TENM3: variants seen among roughly 807,000 people sequenced by gnomAD.
TENM3 encodes the protein teneurin transmembrane protein 3.
In TENM3, 63 loss-of-function variants were observed where a neutral mutation model predicts 255.1. That is an observed-to-expected ratio of 0.25 (90% CI 0.20 to 0.30). TENM3 has a LOEUF of 0.30. Ranked by LOEUF, TENM3 falls within the 10% of genes least tolerant of loss-of-function variation. The probability of loss-of-function intolerance (pLI) is 1.00; values close to 1 mark genes in which losing one functional copy is unlikely to be tolerated. For synonymous variants in TENM3, 1,306 were observed against 1,322.3 expected, an observed-to-expected ratio of 0.99 and a Z score of 0.27; for missense variants, 2,929 against 3,461.1, an observed-to-expected ratio of 0.85 and a Z score of 3.86.
At position 182,323,553 on chromosome 4, in the gene TENM3, T is replaced by A. The variant is rs537987075; in HGVS notation, c.-75-393T>A. Among the ~76,000 whole-genome samples the A allele has an allele frequency of 2.0e-5, 3 of 152,208 alleles. 1 individual carries two copies. In the South Asian group the frequency reaches 6.2e-4, roughly 32 times the overall value. ...ACGTTTATAAGAAAATGAAAGGGAA[T>A]TTATTTTGAATGGAGAAATGCTATA... On this transcript the variant is annotated intron_variant, in intron 1 of 27. Coordinates refer to ENST00000511685, the MANE Select transcript of TENM3 (RefSeq NM_001080477.4).
chr4:182,355,111 C>G (rs1765431468), intron 3 of TENM3, among the ~76,000 whole-genome samples: 1 of 152,074 alleles, frequency 6.6e-6, no homozygotes, highest in African/African-American at 2.4e-5. Flanking sequence ...CCGATTGTTG[C>G]CAACAGAGAC....
chr4:182,497,847 C>CATATATATAT (rs56170155), intron 3 of TENM3, among the ~76,000 whole-genome samples: 2,029 of 134,660 alleles, frequency 0.015, 30 homozygotes, highest in African/African-American at 0.038. Context: ...ACTAAAAATA[C>CATATATATAT]ATATATATAT....
chr4:181,941,074 C>T, the TENM3 span, among the ~76,000 whole-genome samples: 2 of 152,104 alleles, frequency 1.3e-5, no homozygotes, highest in South Asian at 2.1e-4. Context: ...CAGAAGACTG[C>T]GAGAATGGGA....
At chr4:181,605,550 GAAAGAAAGAAAGAAAGAAA>G in the TENM3 span, among the ~76,000 whole-genome samples, 2 of 28,528 alleles carry the variant, frequency 7.0e-5, no homozygotes, top group Admixed American at 4.7e-4. Context: ...AAGAAAGAAA[GAAAGAAAGAAAGAAAGAAA>G]GAGAGAGAAA....
chr4:182,338,942 G>T (rs17073098), intron 2 of TENM3, among the ~76,000 whole-genome samples: 1 of 152,074 alleles, frequency 6.6e-6, no homozygotes, highest in South Asian at 2.1e-4. Flanking sequence ...GAACTGATCC[G>T]AGACTTCAAA....
the TENM3 span, among the ~76,000 whole-genome samples, chr4:182,067,957 G>T: frequency 6.6e-6 from 1 of 152,056 alleles, no homozygotes; most frequent in Non-Finnish European, 1.5e-5. Flanking sequence ...AGTGGATTGT[G>T]GCTGCCAGGA....
At chr4:181,964,032 A>G in the TENM3 span, among the ~76,000 whole-genome samples, 29 of 151,286 alleles carry the variant, frequency 1.9e-4, no homozygotes, top group Non-Finnish European at 3.4e-4. Context: ...AAAATTTTCT[A>G]TTGAATTGAT....
chr4:182,639,246 G>A (rs1462896903), intron 5 of TENM3, among the ~76,000 whole-genome samples: 2 of 152,128 alleles, frequency 1.3e-5, no homozygotes, highest in Non-Finnish European at 2.9e-5. Flanking sequence ...GACTCTCAAA[G>A]CAGCCAGATT....
intron 3 of TENM3, among the ~76,000 whole-genome samples, chr4:182,379,143 C>T (rs781722875): frequency 6.6e-6 from 1 of 152,070 alleles, no homozygotes; most frequent in Non-Finnish European, 1.5e-5. Context: ...TTTGGGAGGC[C>T]GGGGCGGGCG....
chr4:181,736,020 G>A, the TENM3 span, among the ~76,000 whole-genome samples: 20 of 152,012 alleles, frequency 1.3e-4, no homozygotes, highest in Admixed American at 2.0e-4. Flanking sequence ...AATTTTGGCC[G>A]GGCATGGTGG....
At chr4:181,543,830 A>G in the TENM3 span, among the ~76,000 whole-genome samples, 9 of 152,204 alleles carry the variant, frequency 5.9e-5, no homozygotes, top group Non-Finnish European at 1.3e-4. Context: ...TTCCTTCTTA[A>G]CTAAAGTCAT....
the TENM3 span, among the ~76,000 whole-genome samples, chr4:182,121,944 C>A: frequency 2.6e-5 from 4 of 152,216 alleles, no homozygotes; most frequent in Non-Finnish European, 2.9e-5. Context: ...TCCTCTCAAA[C>A]CTTTCCACTG....
chr4:181,808,983 G>T, the TENM3 span, among the ~76,000 whole-genome samples: 185 of 152,254 alleles, frequency 1.2e-3, 2 homozygotes, highest in South Asian at 0.036. Context: ...TTGCAAGCGG[G>T]GGTACAAAAG....
intron 2 of TENM3, among the ~76,000 whole-genome samples, chr4:182,324,493 A>C (rs1374510490): frequency 6.6e-6 from 1 of 152,222 alleles, no homozygotes; most frequent in African/African-American, 2.4e-5. Context: ...CTCACCTGCT[A>C]TACGTGAGGT....
At chr4:181,727,087 T>G in the TENM3 span, among the ~76,000 whole-genome samples, 3 of 152,132 alleles carry the variant, frequency 2.0e-5, no homozygotes, top group African/African-American at 7.2e-5. Flanking sequence ...CCTCTTGGGT[T>G]TTTATGGAAG....
At chr4:181,726,214 C>A in the TENM3 span, among the ~76,000 whole-genome samples, 1 of 151,690 alleles carries the variant, frequency 6.6e-6, no homozygotes, top group Admixed American at 6.6e-5. Flanking sequence ...AAAAATAAAA[C>A]GCACATAATT....
At chr4:181,948,330 C>G in the TENM3 span, among the ~76,000 whole-genome samples, 28 of 152,206 alleles carry the variant, frequency 1.8e-4, no homozygotes, top group African/African-American at 6.0e-4. Context: ...AATTTAATTT[C>G]TTGTAACCTT....
intron 1 of TENM3, among the ~76,000 whole-genome samples, chr4:182,279,704 C>T (rs560122758): frequency 1.7e-4 from 26 of 152,224 alleles, no homozygotes; most frequent in South Asian, 1.0e-3. Flanking sequence ...CTTGTTCTGT[C>T]GTTCATGGAG....
intron 4 of TENM3, among the ~76,000 whole-genome samples, chr4:182,613,870 C>A (rs1312087670): frequency 1.3e-5 from 2 of 152,144 alleles, no homozygotes; most frequent in East Asian, 3.8e-4. Flanking sequence ...CATATTAATT[C>A]AGGTAGCAGC....
Sources: gnomAD v4.1 joint callset for allele counts (sites outside exome capture counted in the v4.1 genomes callset) on GRCh38, gnomAD v4.1.1 for gene constraint, MANE v1.5 for transcripts, NCBI Gene and HGNC (gene_info 2026-07-23, HGNC 2026-07-21) for gene names.